The following FBXW4 variants were observed in gnomAD, a reference collection of about 807,000 sequenced individuals.
FBXW4 encodes the protein F-box and WD repeat domain containing 4, also known as F-box/WD repeat-containing protein 4.
Under a neutral mutation model 61.8 loss-of-function variants are expected in FBXW4, and 40 were observed. The observed-to-expected ratio is 0.65, with a 90% CI of 0.50 to 0.84. The LOEUF is 0.84. Ranked by LOEUF, FBXW4 falls within the 40% of genes least tolerant of loss-of-function variation. The pLI is 0.00. For missense variants in FBXW4, 672 were observed against 753.8 expected (o/e 0.89, Z 1.27); for synonymous variants, 311 against 313.8 (o/e 0.99, Z 0.10).
intron 5 of FBXW4, among the ~76,000 whole-genome samples, chr10:101,666,511 C>T (rs1317132464): frequency 2.0e-5 from 3 of 152,080 alleles, no homozygotes; most frequent in Admixed American, 1.3e-4. Flanking sequence ...AGGGCCTAAA[C>T]GAAGTGGGTA....
At chr10:101,637,273 T>C (rs999454272) in intron 5 of FBXW4, among the ~76,000 whole-genome samples, 1 of 148,730 alleles carries the variant, frequency 6.7e-6, no homozygotes, top group Non-Finnish European at 1.5e-5. Flanking sequence ...GCACCTGTAG[T>C]CCCAGCTACT....
chr10:101,674,789 G>A (rs889234162), intron 2 of FBXW4, among the ~76,000 whole-genome samples: 1 of 152,206 alleles, frequency 6.6e-6, no homozygotes, highest in African/African-American at 2.4e-5. Context: ...AGGAAGAAAG[G>A]CTAGAAGCCA....
intron 5 of FBXW4, among the ~76,000 whole-genome samples, chr10:101,629,263 T>C (rs894418892): frequency 5.9e-5 from 9 of 151,978 alleles, no homozygotes; most frequent in Admixed American, 1.3e-4. Flanking sequence ...GTAATCCTCA[T>C]AACACTATGC....
At chr10:101,656,198 C>A (rs538446342) in intron 5 of FBXW4, among the ~76,000 whole-genome samples, 56 of 152,298 alleles carry the variant, frequency 3.7e-4, no homozygotes, top group African/African-American at 1.2e-3. Context: ...TCTAGCTCAG[C>A]AGCTAGAAAG....
At chr10:101,693,208 T>G (rs1317214740) in intron 1 of FBXW4, among the ~76,000 whole-genome samples, 1 of 152,236 alleles carries the variant, frequency 6.6e-6, no homozygotes, top group Non-Finnish European at 1.5e-5. Context: ...CCACTATAAT[T>G]TGGTACAGCA....
At chr10:101,636,426 A>C (rs1162892685) in intron 5 of FBXW4, among the ~76,000 whole-genome samples, 4 of 151,942 alleles carry the variant, frequency 2.6e-5, no homozygotes, top group Admixed American at 2.6e-4. Flanking sequence ...AGAATTGCAA[A>C]TTAGAGAAAA....
At chr10:101,625,094 A>C in intron 5 of FBXW4, 1 of 453,986 alleles carries the variant, frequency 2.2e-6, no homozygotes, top group Non-Finnish European at 4.1e-6. Context: ...ATAAAAACAG[A>C]TCTCTAGACG....
rs1395165731 is a variant in FBXW4 at position 101,670,632 on chromosome 10, T to C, written c.1140+2283A>G. Among the ~76,000 whole-genome samples, 4 of 152,222 alleles carry C rather than the reference T, an allele frequency of 2.6e-5. No individual in the cohort carries two copies. In the East Asian group the frequency reaches 7.7e-4, roughly 29 times the overall value. On this transcript the variant is annotated intron_variant, in intron 4 of 8. Coordinates refer to ENST00000331272, the MANE Select transcript of FBXW4 (RefSeq NM_022039.4). ...CTCATCCTAAGGATAAGAGGCTTTA[T>C]CTCCCTTACTTCTGAAGAGCCCAGG...
At chr10:101,677,879 T>TA (rs547359139) in intron 1 of FBXW4, among the ~76,000 whole-genome samples, 280 of 145,842 alleles carry the variant, frequency 1.9e-3, no homozygotes, top group East Asian at 4.3e-3. Context: ...ATTTTTTTCT[T>TA]AAAAAAAAAA....
intron 1 of FBXW4, among the ~76,000 whole-genome samples, chr10:101,681,522 C>T (rs2064476233): frequency 6.6e-6 from 1 of 150,778 alleles, no homozygotes; most frequent in African/African-American, 2.4e-5. Context: ...CAGAGACCAT[C>T]CTGGCTAACG....
rs1431640821 is a variant in FBXW4 at position 101,694,178 on chromosome 10, G to T, written c.725+203C>A. On this transcript the variant is annotated intron_variant, in intron 1 of 8. Coordinates refer to ENST00000331272, the MANE Select transcript of FBXW4 (RefSeq NM_022039.4). This position sits in a 1 kb window ranked among gnomAD's most constrained non-coding sequence, Gnocchi z 6.0. ...GCCTACTGAGGGATGCTCTCGGGAG[G>T]CTGCCTCAGATGGAGGCCTTGGGGA... 6.6e-6 allele frequency among the ~76,000 whole-genome samples: 1 copy of T among 152,190 alleles called. No individual in the cohort carries two copies. Among genetic ancestry groups the T allele is most frequent in the East Asian group, 1.9e-4 (1 of 5,182 alleles).
At position 101,694,569 on chromosome 10, in the gene FBXW4, C is replaced by CGCGGCCGGGCGG; in HGVS notation, c.525_536dup (p.Arg176_Ala179dup). 2 of 1,471,198 alleles carry CGCGGCCGGGCGG rather than the reference C, an allele frequency of 1.4e-6. No individual in the cohort carries two copies. The highest frequency in any genetic ancestry group is 1.8e-6 in the Non-Finnish European group (2 of 1,120,400). 91.1% of individuals were successfully genotyped at this position (1,471,198 alleles called of 1,614,324 possible). A position where few individuals can be genotyped will look rare whatever the true frequency, so the allele number is the denominator to read the frequency against. ...CCGGCAGGCGCCAGAGCGCAGGCCC[C>CGCGGCCGGGCGG]GCGGCCGGGCGGGCAGCCGACTCCC... On this transcript the variant is annotated inframe_insertion, in exon 1 of 9. Transcript: ENST00000331272. This position sits in a 1 kb window ranked among gnomAD's most constrained non-coding sequence, Gnocchi z 6.0.
chr10:101,680,111 GTAA>G (rs1333530922), intron 1 of FBXW4, among the ~76,000 whole-genome samples: 1 of 152,012 alleles, frequency 6.6e-6, no homozygotes, highest in Non-Finnish European at 1.5e-5. Context: ...GATTAAAATA[GTAA>G]TAATAAATGC....
chr10:101,644,573 T>A (rs2064080537), intron 5 of FBXW4, among the ~76,000 whole-genome samples: 1 of 152,076 alleles, frequency 6.6e-6, no homozygotes, highest in South Asian at 2.1e-4. Flanking sequence ...TCTGCTCTGC[T>A]CTCTCCAGAG....
intron 6 of FBXW4, among the ~76,000 whole-genome samples, chr10:101,618,356 G>C (rs138361408): frequency 6.6e-6 from 1 of 152,224 alleles, no homozygotes; most frequent in Admixed American, 6.5e-5. Context: ...GAGCTTCGTG[G>C]TGGAGGTGCT....
intron 5 of FBXW4, among the ~76,000 whole-genome samples, chr10:101,656,129 T>C (rs2064183445): frequency 6.6e-6 from 1 of 152,164 alleles, no homozygotes; most frequent in African/African-American, 2.4e-5. Context: ...CTTGGGTATA[T>C]TTACACTGGA....
At chr10:101,656,232 T>G (rs1054587554) in intron 5 of FBXW4, among the ~76,000 whole-genome samples, 1 of 152,184 alleles carries the variant, frequency 6.6e-6, no homozygotes, top group Non-Finnish European at 1.5e-5. Context: ...GCTTCTCACC[T>G]GATCACTTGC....
chr10:101,614,841 A>G (rs2063813945), intron 6 of FBXW4, among the ~76,000 whole-genome samples: 1 of 152,114 alleles, frequency 6.6e-6, no homozygotes, highest in Admixed American at 6.5e-5. Context: ...GTGCCACAGG[A>G]GCCCTGCTGG....
intron 1 of FBXW4, among the ~76,000 whole-genome samples, chr10:101,693,602 A>T (rs909539243): frequency 1.1e-4 from 16 of 152,252 alleles, no homozygotes; most frequent in Middle Eastern, 3.2e-3. Context: ...TGTACTAGAA[A>T]GAACTACTTT....
Sources: gnomAD v4.1 joint callset for allele counts (sites outside exome capture counted in the v4.1 genomes callset) on GRCh38, gnomAD v4.1.1 for gene constraint, Gnocchi (gnomAD v3.1) non-coding constraint, MANE v1.5 for transcripts, NCBI Gene and HGNC (gene_info 2026-07-23, HGNC 2026-07-21) for gene names.